CTIF: variants seen among roughly 807,000 people sequenced by gnomAD.
CTIF encodes the protein cap binding complex dependent translation initiation factor.
Under a neutral mutation model 66.0 loss-of-function variants are expected in CTIF, and 21 were observed. The ratio of observed to expected loss-of-function variants is 0.32; its 90% CI spans 0.23 to 0.46. The LOEUF (loss-of-function observed/expected upper bound fraction) is 0.46. Among genes scored for constraint, CTIF ranks in the 20% least tolerant of loss-of-function variants. CTIF has a pLI of 1.00. For missense variants in CTIF, 739 were observed against 812.7 expected (o/e 0.91, Z 1.10); for synonymous variants, 345 against 326.4 (o/e 1.06, Z -0.62).
intron 3 of CTIF, among the ~76,000 whole-genome samples, chr18:48,638,864 G>A (rs1485978619): frequency 3.9e-5 from 6 of 152,264 alleles, no homozygotes; most frequent in Non-Finnish European, 5.9e-5. Context: ...GGAGGACAGG[G>A]TCTCTGCATA....
chr18:48,663,566 G>C (rs2091382141), intron 3 of CTIF, among the ~76,000 whole-genome samples, 186 bp from the exon 4 acceptor site: 1 of 152,038 alleles, frequency 6.6e-6, no homozygotes, highest in African/African-American at 2.4e-5. Flanking sequence ...TCAGTGAAAC[G>C]AGGGCCTATG....
intron 2 of CTIF, among the ~76,000 whole-genome samples, chr18:48,622,979 G>T (rs558644361): frequency 1.3e-5 from 2 of 152,374 alleles, no homozygotes; most frequent in South Asian, 4.1e-4. Flanking sequence ...AGAGGTATGC[G>T]TGGCTGATGG....
intron 10 of CTIF, among the ~76,000 whole-genome samples, chr18:48,836,429 C>T (rs2068811507): frequency 6.6e-6 from 1 of 152,122 alleles, no homozygotes; most frequent in Non-Finnish European, 1.5e-5. Flanking sequence ...ATCTAGGGGA[C>T]CCCTCCACCA....
intron 7 of CTIF, among the ~76,000 whole-genome samples, chr18:48,735,240 C>G (rs182736375): frequency 5.8e-4 from 89 of 152,234 alleles, no homozygotes; most frequent in African/African-American, 2.0e-3. Context: ...ATGGGGCCAG[C>G]AGAGGGCAAG....
At chr18:48,572,432 C>T (rs1317610054) in intron 1 of CTIF, among the ~76,000 whole-genome samples, 1 of 152,102 alleles carries the variant, frequency 6.6e-6, no homozygotes, top group African/African-American at 2.4e-5. Flanking sequence ...GCCTGGGTTG[C>T]CTGTGTGGCT....
chr18:48,613,278 C>T (rs2090341187), intron 1 of CTIF, among the ~76,000 whole-genome samples: 1 of 152,176 alleles, frequency 6.6e-6, no homozygotes, highest in East Asian at 1.9e-4. Context: ...CTTACCTTTT[C>T]CTCCAGACCT....
At chr18:48,766,092 A>G (rs940391579) in intron 9 of CTIF, among the ~76,000 whole-genome samples, 2 of 132,850 alleles carry the variant, frequency 1.5e-5, no homozygotes, top group East Asian at 2.6e-4. Flanking sequence ...TCCTAATGCT[A>G]TCCCTCCCCC....
chr18:48,586,383 G>A (rs2089769595), intron 1 of CTIF, among the ~76,000 whole-genome samples: 2 of 150,010 alleles, frequency 1.3e-5, no homozygotes, highest in South Asian at 4.2e-4. Flanking sequence ...CGATTCTCCT[G>A]TCTCAGCCTC....
At chr18:48,744,166 A>G (rs1427574459) in intron 7 of CTIF, among the ~76,000 whole-genome samples, 1 of 152,156 alleles carries the variant, frequency 6.6e-6, no homozygotes, top group Non-Finnish European at 1.5e-5. Flanking sequence ...TAGGGATTCT[A>G]TTGGTTCCAA....
At chr18:48,782,364 G>A (rs1196463668) in intron 9 of CTIF, among the ~76,000 whole-genome samples, 1 of 152,092 alleles carries the variant, frequency 6.6e-6, no homozygotes, top group Admixed American at 6.5e-5. Context: ...GAGGGATGGG[G>A]GCAGCACTCT....
At chr18:48,836,244 G>A (rs2068806765) in intron 10 of CTIF, among the ~76,000 whole-genome samples, 1 of 152,126 alleles carries the variant, frequency 6.6e-6, no homozygotes, top group African/African-American at 2.4e-5. Context: ...GCTTCTCCTG[G>A]AGCTGACGTG....
intron 6 of CTIF, among the ~76,000 whole-genome samples, chr18:48,679,888 G>A (rs1316109676): frequency 6.6e-6 from 1 of 152,170 alleles, no homozygotes; most frequent in African/African-American, 2.4e-5. Context: ...GGGACCTATG[G>A]GGAGAAAGAG....
At chr18:48,614,036 T>C (rs2090355323) in intron 1 of CTIF, among the ~76,000 whole-genome samples, 1 of 152,202 alleles carries the variant, frequency 6.6e-6, no homozygotes, top group South Asian at 2.1e-4. Flanking sequence ...GTCTTTTGTG[T>C]TCTTCTACCT....
intron 1 of CTIF, among the ~76,000 whole-genome samples, chr18:48,589,303 G>A (rs538351763): frequency 6.6e-6 from 1 of 152,266 alleles, no homozygotes; most frequent in Non-Finnish European, 1.5e-5. Flanking sequence ...CCTGGCTCGA[G>A]GCAGCTCCCA....
intron 2 of CTIF, among the ~76,000 whole-genome samples, chr18:48,626,041 A>T (rs1379671086): frequency 7.8e-6 from 1 of 127,908 alleles, no homozygotes; most frequent in East Asian, 2.2e-4. Flanking sequence ...TCACTCTGTC[A>T]CCAAGGCTGT....
chr18:48,699,296 G>A (rs1263874892), intron 6 of CTIF, among the ~76,000 whole-genome samples: 1 of 151,912 alleles, frequency 6.6e-6, no homozygotes, highest in Non-Finnish European at 1.5e-5. Flanking sequence ...CCCCTCCCTG[G>A]CTCTTCAGAG....
intron 1 of CTIF, among the ~76,000 whole-genome samples, chr18:48,585,549 G>T (rs140628349): frequency 2.9e-4 from 44 of 152,314 alleles, no homozygotes; most frequent in African/African-American, 1.0e-3. Flanking sequence ...CACACTGGGG[G>T]TGACCTGCTG....
rs150414080 is a variant in CTIF, at chr18:48,557,506, G to C, written c.-29+18194G>C. ...CACTGCCGTGGAGAGACCTGTCCTG[G>C]GGAGACAGCACAGCACTAGCAGCTG... On this transcript the variant is annotated intron_variant, in intron 1 of 11. Transcript: ENST00000256413. Among the ~76,000 whole-genome samples, 119 of 152,322 alleles carry C rather than the reference G, an allele frequency of 7.8e-4. 1 individual carries two copies. The highest frequency in any genetic ancestry group is 2.6e-3 in the African/African-American group (107 of 41,562).
At chr18:48,787,440 C>T (rs1337710310) in intron 9 of CTIF, among the ~76,000 whole-genome samples, 1 of 152,134 alleles carries the variant, frequency 6.6e-6, no homozygotes, top group African/African-American at 2.4e-5. Context: ...GAAAAAGCAC[C>T]AGGAGCTTTC....
Sources: gnomAD v4.1 joint callset for allele counts (sites outside exome capture counted in the v4.1 genomes callset) on GRCh38, gnomAD v4.1.1 for gene constraint, MANE v1.5 for transcripts, NCBI Gene and HGNC (gene_info 2026-07-23, HGNC 2026-07-21) for gene names.